PIK3CD: variants seen among roughly 807,000 people sequenced by gnomAD.
PIK3CD encodes phosphatidylinositol-4,5-bisphosphate 3-kinase catalytic subunit delta, also known as phosphatidylinositol 4,5-bisphosphate 3-kinase catalytic subunit delta isoform.
Under a neutral mutation model 122.9 loss-of-function variants are expected in PIK3CD, and 20 were observed. That is an observed-to-expected ratio of 0.16 (90% CI 0.11 to 0.24). The LOEUF (loss-of-function observed/expected upper bound fraction) is 0.24. PIK3CD is among the 10% of genes least tolerant of loss of function. The probability of loss-of-function intolerance (pLI) is 1.00; values close to 1 mark genes in which losing one functional copy is unlikely to be tolerated. For synonymous variants in PIK3CD, 596 were observed against 593.4 expected (o/e 1.00, Z -0.06); for missense variants, 787 against 1,406.3 (o/e 0.56, Z 7.04).
At chr1:9,709,180 C>T (rs1426130902) in intron 2 of PIK3CD, among the ~76,000 whole-genome samples, 1 of 151,942 alleles carries the variant, frequency 6.6e-6, no homozygotes, top group African/African-American at 2.4e-5. Context: ...CAGGCATGTG[C>T]CACCATGCCC....
At chr1:9,630,610 C>G in the PIK3CD span, among the ~76,000 whole-genome samples, 1 of 152,092 alleles carries the variant, frequency 6.6e-6, no homozygotes, top group Non-Finnish European at 1.5e-5. Context: ...GATGATATAG[C>G]CAGGAGTATG....
chr1:9,671,537 G>A (rs886581665), intron 1 of PIK3CD, among the ~76,000 whole-genome samples: 1 of 152,148 alleles, frequency 6.6e-6, no homozygotes, highest in Non-Finnish European at 1.5e-5. Flanking sequence ...GAGTTCTTGA[G>A]GTTTGCAGGG....
At chr1:9,685,709 G>T (rs936544129) in intron 1 of PIK3CD, among the ~76,000 whole-genome samples, 12 of 152,136 alleles carry the variant, frequency 7.9e-5, no homozygotes, top group African/African-American at 2.9e-4. Context: ...GTGTTGTCCA[G>T]GCTCGAGTGC....
Position 9,724,747 on chromosome 1 carries a change from C to T in PIK3CD, c.2865-57C>T. 6.2e-7 allele frequency: 1 copy of T among 1,610,064 alleles called. No individual in the cohort carries two copies. Among genetic ancestry groups the T allele is most frequent in the Non-Finnish European group, 8.5e-7 (1 of 1,178,458 alleles). The stretch of plus-strand genomic sequence containing the variant: ...GGGGCTGGTTGGATGCAGAGCGGCC[C>T]TCTGGCCTGTGGCTGGGAGTTCCCA... On this transcript the variant is annotated intron_variant, in intron 22 of 23. Transcript: ENST00000377346. This position sits in a 1 kb window ranked among gnomAD's most constrained non-coding sequence, Gnocchi z 7.3.
chr1:9,646,586 T>C, the PIK3CD span, among the ~76,000 whole-genome samples: 2 of 152,226 alleles, frequency 1.3e-5, no homozygotes, highest in African/African-American at 4.8e-5. Flanking sequence ...TTGTAGACTC[T>C]TCTGGTGTCT....
chr1:9,707,018 G>A (rs1646860162), intron 2 of PIK3CD, among the ~76,000 whole-genome samples: 2 of 136,810 alleles, frequency 1.5e-5, no homozygotes, highest in South Asian at 4.6e-4. Context: ...TCACTATGTT[G>A]CCCAGGCTGG....
At chr1:9,654,493 C>G (rs1644783869) in intron 1 of PIK3CD, 13 of 1,131,286 alleles carry the variant, frequency 1.1e-5, no homozygotes, top group Non-Finnish European at 1.3e-5. Context: ...CGAAAGCCAG[C>G]CCGCTTTCGC....
Position 9,719,975 on chromosome 1 carries a change from A to G in PIK3CD, c.1297A>G (p.Lys433Glu). ...LMLFDYKDQL[K>E]TGERCLYMWP... is the part of the protein sequence containing the mutation. ...GCTGTTTGACTACAAGGACCAGCTT[A>G]AGACCGGGGAACGCTGCCTCTACAT... The change falls in exon 10 of 24, where the codon AAG becomes GAG. Residue 433 changes from lysine to glutamate, a missense_variant. By Grantham distance (56) the Lys-to-Glu change is moderately conservative. Coordinates refer to ENST00000377346, the MANE Select transcript of PIK3CD (RefSeq NM_005026.5). The surrounding 1 kb of genome is among the most constrained non-coding windows in gnomAD (Gnocchi z 5.5). 6.2e-7 allele frequency: 1 copy of G among 1,613,746 alleles called. No individual in the cohort carries two copies. Among genetic ancestry groups the G allele is most frequent in the Non-Finnish European group, 8.5e-7 (1 of 1,180,006 alleles).
chr1:9,700,892 A>G lies in PIK3CD; in HGVS notation c.-33+9321A>G, dbSNP rs1283860568. 6.6e-6 allele frequency among the ~76,000 whole-genome samples: 1 copy of G among 151,888 alleles called. No individual in the cohort carries two copies. The highest frequency in any genetic ancestry group is 1.5e-5 in the Non-Finnish European group (1 of 67,972). On this transcript the variant is annotated intron_variant, in intron 2 of 23. Transcript: ENST00000377346. The surrounding 1 kb of genome is among the most constrained non-coding windows in gnomAD (Gnocchi z 5.1). ...TCACTTCCTCCTGCACCGTCCCCCA[A>G]GGGTCCCTCTGATTTAAGTATGTCT...
In PIK3CD at chr1:9,689,601, C is replaced by A. The variant is rs1646117091; in HGVS notation, c.-137-1866C>A. On this transcript the variant is annotated intron_variant, in intron 1 of 23. Coordinates refer to ENST00000377346, the MANE Select transcript of PIK3CD (RefSeq NM_005026.5). The surrounding 1 kb of genome is among the most constrained non-coding windows in gnomAD (Gnocchi z 6.1). ...CGCGGCGGGCCTGCCCTCCGGCCCCCGCCGGCCCCGCGCCGCTGCCCGGAG... is the reference window on the plus strand; with the variant it reads ...CGCGGCGGGCCTGCCCTCCGGCCCCAGCCGGCCCCGCGCCGCTGCCCGGAG... Among the ~76,000 whole-genome samples, 1 of 150,578 alleles carries A rather than the reference C, an allele frequency of 6.6e-6. No homozygotes were observed. The highest frequency in any genetic ancestry group is 2.4e-5 in the African/African-American group (1 of 41,274).
At chr1:9,697,591 G>T (rs1646468959) in intron 2 of PIK3CD, among the ~76,000 whole-genome samples, 1 of 151,774 alleles carries the variant, frequency 6.6e-6, no homozygotes, top group Non-Finnish European at 1.5e-5. Flanking sequence ...TTAATTAGCT[G>T]GGTATGTGGT....
chr1:9,666,110 C>T (rs1557600564), intron 1 of PIK3CD, among the ~76,000 whole-genome samples: 1 of 151,216 alleles, frequency 6.6e-6, no homozygotes, highest in Non-Finnish European at 1.5e-5. Flanking sequence ...GTATTTTTAG[C>T]AGAGATGGGG....
intron 1 of PIK3CD, among the ~76,000 whole-genome samples, chr1:9,664,130 C>T (rs192193975): frequency 1.5e-3 from 219 of 150,430 alleles, no homozygotes; most frequent in African/African-American, 5.0e-3. Context: ...CTCACTGCAA[C>T]CTCCACCTCC....
chr1:9,724,490 A>T lies in PIK3CD; in HGVS notation c.2864+69A>T. The T allele has an allele frequency of 6.4e-7, 1 of 1,565,958 alleles. No homozygotes were observed. The highest frequency in any genetic ancestry group is 8.8e-7 in the Non-Finnish European group (1 of 1,138,976). ...CCCAGGGAACAGGGCAGAGGTTCCCAGGCAGGGTGCAGGATGGGGCTCAGG... is the reference window on the plus strand; with the variant it reads ...CCCAGGGAACAGGGCAGAGGTTCCCTGGCAGGGTGCAGGATGGGGCTCAGG... On this transcript the variant is annotated intron_variant, in intron 22 of 23. Transcript: ENST00000377346. This position sits in a 1 kb window ranked among gnomAD's most constrained non-coding sequence, Gnocchi z 7.3.
Position 9,728,771 on chromosome 1 carries a change from T to A in PIK3CD, c.*1725T>A, listed in dbSNP as rs1650094857. 1 of 152,280 alleles carries A rather than the reference T, an allele frequency of 6.6e-6. No individual in the cohort carries two copies. The highest frequency in any genetic ancestry group is 1.5e-5 in the Non-Finnish European group (1 of 68,050). The allele number at this position is 152,280 out of a possible 1,614,324, so 9.4% of individuals were successfully genotyped here. A position where few individuals can be genotyped will look rare whatever the true frequency, so the allele number is the denominator to read the frequency against. ...TTCTGGTTTTGGGTGTACAGTCTTG[T>A]GTGCCTGGCGAGAAGAATATTTTCT... On this transcript the variant is annotated 3_prime_UTR_variant, in exon 24 of 24. Transcript: ENST00000377346.
chr1:9,724,210 G>A lies in PIK3CD; in HGVS notation c.2719-66G>A. ...GGTCCCCCAGCCCTGCTGGCTTCCT[G>A]TCTCCCCTGGATTCTCTCCTGTCTG... is the stretch of plus-strand genomic sequence containing the variant. On this transcript the variant is annotated intron_variant, in intron 21 of 23. Coordinates refer to ENST00000377346, the MANE Select transcript of PIK3CD (RefSeq NM_005026.5). The surrounding 1 kb of genome is among the most constrained non-coding windows in gnomAD (Gnocchi z 7.3). The A allele has an allele frequency of 6.2e-7, 1 of 1,612,868 alleles. No homozygotes were observed. Among genetic ancestry groups the A allele is most frequent in the South Asian group, 1.1e-5 (1 of 91,056 alleles).
At chr1:9,680,570 T>C (rs1645711164) in intron 1 of PIK3CD, 1 of 159,482 alleles carries the variant, frequency 6.3e-6, no homozygotes, top group Admixed American at 6.3e-5. Context: ...TCTGTCTCTA[T>C]GGATTTGCCT....
Position 9,728,493 on chromosome 1 carries a change from A to AACTC in PIK3CD, c.*1449_*1452dup, listed in dbSNP as rs1163633457. The stretch of plus-strand genomic sequence containing the variant: ...TGTTGATTTCTCAAAGGTCTTCCAA[A>AACTC]ACTCAACAGAGCCAGAAGTAGCCGC... On this transcript the variant is annotated 3_prime_UTR_variant, in exon 24 of 24. Transcript: ENST00000377346. 4 of 152,152 alleles carry AACTC rather than the reference A, an allele frequency of 2.6e-5. No homozygotes were observed. Among genetic ancestry groups the AACTC allele is most frequent in the East Asian group, 1.9e-4 (1 of 5,196 alleles). The allele number at this position is 152,152 out of a possible 1,614,324, so 9.4% of individuals were successfully genotyped here. A position where few individuals can be genotyped will look rare whatever the true frequency, so the allele number is the denominator to read the frequency against.
chr1:9,673,631 G>A (rs555821730), intron 1 of PIK3CD, among the ~76,000 whole-genome samples: 18 of 151,848 alleles, frequency 1.2e-4, no homozygotes, highest in Non-Finnish European at 2.1e-4. Flanking sequence ...TCGAACTCCT[G>A]GGCTCAAGCA....
Sources: allele counts gnomAD v4.1 joint callset (sites outside exome capture counted in the v4.1 genomes callset), GRCh38; gene constraint gnomAD v4.1.1; non-coding constraint Gnocchi (gnomAD v3.1); transcripts MANE v1.5; gene names NCBI Gene and HGNC (gene_info 2026-07-23, HGNC 2026-07-21).